The following GABRA2 variants were observed in gnomAD, a reference collection of about 807,000 sequenced individuals.
GABRA2 encodes the protein gamma-aminobutyric acid receptor subunit alpha-2.
A neutral mutation model predicts 48.7 loss-of-function variants in GABRA2; 16 were observed. That is an observed-to-expected ratio of 0.33 (90% CI 0.22 to 0.50). The LOEUF (loss-of-function observed/expected upper bound fraction) is 0.50. Ranked by LOEUF, GABRA2 falls within the 20% of genes least tolerant of loss-of-function variation. GABRA2 has a pLI of 0.98. For missense variants in GABRA2, 275 were observed against 535.6 expected (o/e 0.51, Z 4.80); for synonymous variants, 185 against 184.5 (o/e 1.00, Z -0.02).
At chr4:46,300,307 G>A (rs569024696) in intron 8 of GABRA2, among the ~76,000 whole-genome samples, 2 of 151,996 alleles carry the variant, frequency 1.3e-5, no homozygotes, top group South Asian at 4.2e-4. Context: ...ATCTGTGTGT[G>A]TGTGCGCGCG....
chr4:46,248,662 T>C lies in GABRA2; in HGVS notation c.*1646A>G, dbSNP rs1714156002. 6.6e-6 allele frequency: 1 copy of C among 151,458 alleles called. No individual in the cohort carries two copies. The highest frequency in any genetic ancestry group is 1.5e-5 in the Non-Finnish European group (1 of 67,622). The allele number at this position is 151,458 out of a possible 1,614,324, so 9.4% of individuals were successfully genotyped here. A position where few individuals can be genotyped will look rare whatever the true frequency, so the allele number is the denominator to read the frequency against. On this transcript the variant is annotated 3_prime_UTR_variant, in exon 10 of 10. Coordinates refer to ENST00000381620, the MANE Select transcript of GABRA2 (RefSeq NM_000807.4). Reference sequence around the variant, plus strand: ...GCAAAGGAATAGCAATTTTTGCTGATATTTTGCTTATTTCCATAGATACTC... The same window carrying C: ...GCAAAGGAATAGCAATTTTTGCTGACATTTTGCTTATTTCCATAGATACTC...
chr4:46,273,502 C>CATATATATATATATATATAT (rs71637683), intron 8 of GABRA2, among the ~76,000 whole-genome samples: 3 of 48,144 alleles, frequency 6.2e-5, no homozygotes, highest in Admixed American at 2.2e-4. Flanking sequence ...TATATATATG[C>CATATATATATATATATATAT]ATATATATAT....
chr4:46,287,760 C>T (rs969864515), intron 8 of GABRA2, among the ~76,000 whole-genome samples: 1 of 151,354 alleles, frequency 6.6e-6, no homozygotes, highest in Non-Finnish European at 1.5e-5. Flanking sequence ...GCACATGTAC[C>T]CTAAAATTTA....
chr4:46,256,431 T>C, intron 9 of GABRA2: 1 of 470,242 alleles, frequency 2.1e-6, no homozygotes, highest in East Asian at 3.3e-5. Flanking sequence ...AAATTTGACA[T>C]CACTTTCTAC....
chr4:46,390,225 C>G (rs1196702174), upstream of GABRA2: 2 of 147,162 alleles, frequency 1.4e-5, no homozygotes, highest in Admixed American at 7.1e-5. Flanking sequence ...CACACACACA[C>G]TCCCCTGCCT....
intron 4 of GABRA2, among the ~76,000 whole-genome samples, chr4:46,330,585 T>TAGAGAGAGAG (rs1284493121): frequency 5.3e-4 from 62 of 117,658 alleles, no homozygotes; most frequent in Admixed American, 1.3e-3. Flanking sequence ...TATATATATA[T>TAGAGAGAGAG]ATATATAGAG....
chr4:46,299,011 C>A (rs1355202929), intron 8 of GABRA2, among the ~76,000 whole-genome samples: 2 of 150,788 alleles, frequency 1.3e-5, no homozygotes, highest in Non-Finnish European at 3.0e-5. Flanking sequence ...TTATTAGAAT[C>A]ATATATTTAT....
At chr4:46,314,619 T>A (rs1485973489) in intron 4 of GABRA2, among the ~76,000 whole-genome samples, 2 of 152,074 alleles carry the variant, frequency 1.3e-5, no homozygotes, top group African/African-American at 4.8e-5. Context: ...TAGTTAGTTT[T>A]CCAACCCTTG....
At chr4:46,279,018 T>C (rs1721019794) in intron 8 of GABRA2, among the ~76,000 whole-genome samples, 1 of 151,830 alleles carries the variant, frequency 6.6e-6, no homozygotes, top group African/African-American at 2.4e-5. Context: ...ATATGTATAA[T>C]AAAGTGAATT....
At chr4:46,331,059 G>A (rs1241101768) in intron 4 of GABRA2, among the ~76,000 whole-genome samples, 1 of 152,100 alleles carries the variant, frequency 6.6e-6, no homozygotes, top group East Asian at 1.9e-4. Context: ...ATTGACCCAT[G>A]GAAAGAGGCA....
intron 3 of GABRA2, among the ~76,000 whole-genome samples, chr4:46,356,041 C>A (rs1025830982): frequency 4.6e-5 from 7 of 152,126 alleles, no homozygotes; most frequent in Non-Finnish European, 1.0e-4. Context: ...TTTCTTAATG[C>A]ACATAAGGTG....
intron 3 of GABRA2, among the ~76,000 whole-genome samples, chr4:46,382,253 G>C (rs1716861799): frequency 6.6e-6 from 1 of 151,792 alleles, no homozygotes; most frequent in Non-Finnish European, 1.5e-5. Context: ...TTGGGCAAAA[G>C]GGATCAGGAT....
intron 8 of GABRA2, among the ~76,000 whole-genome samples, chr4:46,299,246 T>A (rs1725296689): frequency 6.6e-6 from 1 of 151,788 alleles, no homozygotes; most frequent in South Asian, 2.1e-4. Flanking sequence ...AAATTTTTAT[T>A]CCTGAATTTT....
At chr4:46,359,545 T>G (rs776423945) in intron 3 of GABRA2, among the ~76,000 whole-genome samples, 142 of 152,270 alleles carry the variant, frequency 9.3e-4, no homozygotes, top group Non-Finnish European at 1.1e-3. Flanking sequence ...TGGAAATATC[T>G]TTAGTGAGCT....
chr4:46,322,335 C>T (rs888175051), intron 4 of GABRA2, among the ~76,000 whole-genome samples: 1 of 151,870 alleles, frequency 6.6e-6, no homozygotes, highest in African/African-American at 2.4e-5. Context: ...ATTTCAGTCA[C>T]CTGAATCTCT....
At chr4:46,362,151 AG>A (rs574903696) in intron 3 of GABRA2, among the ~76,000 whole-genome samples, 55 of 151,984 alleles carry the variant, frequency 3.6e-4, no homozygotes, top group Non-Finnish European at 6.9e-4. Flanking sequence ...GAGATTTGGG[AG>A]GGGCTGGGGT....
At chr4:46,374,428 C>G (rs1009922422) in intron 3 of GABRA2, among the ~76,000 whole-genome samples, 6 of 152,094 alleles carry the variant, frequency 3.9e-5, no homozygotes, top group African/African-American at 1.2e-4. Context: ...CTATCCAATA[C>G]TTACTAAAAT....
intron 3 of GABRA2, chr4:46,365,355 T>A (rs1713877850): frequency 6.6e-6 from 1 of 152,048 alleles, no homozygotes. Flanking sequence ...AAAGGAAAAA[T>A]TTAATCACAT....
intron 1 of GABRA2, chr4:46,388,929 T>C: frequency 7.5e-7 from 1 of 1,337,988 alleles, no homozygotes; most frequent in Non-Finnish European, 9.6e-7. Context: ...TTTCTTTCTT[T>C]CTTTTTTTCT....
Sources: gnomAD v4.1 joint callset for allele counts (sites outside exome capture counted in the v4.1 genomes callset) on GRCh38, gnomAD v4.1.1 for gene constraint, MANE v1.5 for transcripts, NCBI Gene and HGNC (gene_info 2026-07-23, HGNC 2026-07-21) for gene names.